Variants in OR9Q1 observed in about 807,000 individuals in gnomAD.
OR9Q1 encodes olfactory receptor family 9 subfamily Q member 1, also known as olfactory receptor 9Q1.
For synonymous variants in OR9Q1, 153 were observed against 148.6 expected (o/e 1.03, Z -0.22); for missense variants, 374 against 378.8 (o/e 0.99, Z 0.11).
chr11:58,156,120 C>G (rs1246151275), intron 2 of OR9Q1, among the ~76,000 whole-genome samples: 1 of 152,000 alleles, frequency 6.6e-6, no homozygotes, highest in Non-Finnish European at 1.5e-5. Flanking sequence ...GCCATGTTGG[C>G]CAGACCAGTT....
chr11:58,169,040 A>G (rs959858118), intron 2 of OR9Q1, among the ~76,000 whole-genome samples: 1 of 152,188 alleles, frequency 6.6e-6, no homozygotes, highest in African/African-American at 2.4e-5. Flanking sequence ...TGTGTCTTGT[A>G]TGATTAACAC....
chr11:58,114,986 C>T (rs1160527221), intron 2 of OR9Q1, among the ~76,000 whole-genome samples: 1 of 152,176 alleles, frequency 6.6e-6, no homozygotes, highest in Non-Finnish European at 1.5e-5. Context: ...TGCCTGTCCA[C>T]ATGGCTTACC....
At chr11:58,043,669 C>A (rs1224506351) in intron 1 of OR9Q1, among the ~76,000 whole-genome samples, 1 of 152,214 alleles carries the variant, frequency 6.6e-6, no homozygotes, top group African/African-American at 2.4e-5. Context: ...GCCTTTGAAA[C>A]CTTGCTTGTT....
intron 2 of OR9Q1, among the ~76,000 whole-genome samples, chr11:58,115,810 T>C (rs1853948702): frequency 6.6e-6 from 1 of 152,270 alleles, no homozygotes; most frequent in East Asian, 1.9e-4. Context: ...TAAAAATCTT[T>C]AAAAACAAAT....
In OR9Q1 at chr11:58,090,003, C is replaced by T. The variant is rs150336354; in HGVS notation, c.-15+34056C>T. Among the ~76,000 whole-genome samples the T allele has an allele frequency of 7.5e-3, 1,140 of 151,946 alleles. 10 individuals are homozygous for T. Among genetic ancestry groups the T allele is most frequent in the African/African-American group, 0.026 (1,060 of 41,428 alleles). On this transcript the variant is annotated intron_variant, in intron 2 of 2. Transcript: ENST00000335397. ...ATTTTTGCACATTGATTTTGTATCC[C>T]GAGACTTTGCTGAAGTTACTTATCA...
intron 2 of OR9Q1, among the ~76,000 whole-genome samples, chr11:58,147,576 C>A (rs1225640533): frequency 6.6e-6 from 1 of 152,104 alleles, no homozygotes; most frequent in African/African-American, 2.4e-5. Context: ...GAGTGGCAAC[C>A]AATTTTGCCT....
chr11:58,082,613 G>A (rs1485252456), intron 2 of OR9Q1, among the ~76,000 whole-genome samples: 1 of 70,660 alleles, frequency 1.4e-5, no homozygotes, highest in Admixed American at 1.7e-4. Flanking sequence ...GGGGGAGGGG[G>A]GAGGGATAGC....
At position 58,119,172 on chromosome 11, in the gene OR9Q1, G is replaced by A. The variant is rs372462144; in HGVS notation, c.-14-60259G>A. The A allele has an allele frequency of 2.5e-6, 4 of 1,613,896 alleles. No individual in the cohort carries two copies. In the African/African-American group the frequency reaches 4.0e-5, roughly 16 times the overall value. On this transcript the variant is annotated intron_variant, in intron 2 of 2. Transcript: ENST00000335397. ...GGGCAGCACAGTGGCCGTAGGAGAT[G>A]ACCGTTTTGCCTGTGGCCAATGTGG...
intron 2 of OR9Q1, among the ~76,000 whole-genome samples, chr11:58,098,764 T>G (rs886885593): frequency 3.3e-5 from 5 of 152,206 alleles, no homozygotes; most frequent in Non-Finnish European, 7.3e-5. Context: ...TCTTTGGATT[T>G]AATTCGATTT....
chr11:58,060,584 C>G (rs1424265156), intron 2 of OR9Q1, among the ~76,000 whole-genome samples: 2 of 152,090 alleles, frequency 1.3e-5, no homozygotes, highest in Non-Finnish European at 2.9e-5. Flanking sequence ...ATTAAGTTTT[C>G]TTTAACCTGT....
intron 2 of OR9Q1, among the ~76,000 whole-genome samples, chr11:58,083,685 A>T (rs1853610102): frequency 6.6e-6 from 1 of 151,414 alleles, no homozygotes; most frequent in South Asian, 2.1e-4. Context: ...GTGGCTAGCC[A>T]GTTATCCCAG....
chr11:58,179,189 A>AT lies in OR9Q1; in HGVS notation c.-14-234dup, dbSNP rs530587001. On this transcript the variant is annotated intron_variant, in intron 2 of 2. Coordinates refer to ENST00000335397, the MANE Select transcript of OR9Q1 (RefSeq NM_001005212.4). ...AGGTGCTCACCACCATGCATGGCTA[A>AT]TTTTTTTTGCATTTTTAGTAGAGAT... Among the ~76,000 whole-genome samples, 23 of 150,482 alleles carry AT rather than the reference A, an allele frequency of 1.5e-4. No homozygotes were observed. In the East Asian group the frequency reaches 2.8e-3, roughly 18 times the overall value.
intron 2 of OR9Q1, among the ~76,000 whole-genome samples, chr11:58,063,207 C>A (rs2120000601): frequency 6.6e-6 from 1 of 152,236 alleles, no homozygotes. Flanking sequence ...GGGTTTTAAT[C>A]TCAAAATACT....
chr11:58,025,862 C>G (rs1203308748), intron 1 of OR9Q1, among the ~76,000 whole-genome samples: 1 of 152,124 alleles, frequency 6.6e-6, no homozygotes, highest in Non-Finnish European at 1.5e-5. Context: ...TTACCTACTT[C>G]CACCTGTCTC....
intron 2 of OR9Q1, among the ~76,000 whole-genome samples, chr11:58,169,723 C>G (rs1854537413): frequency 2.6e-5 from 4 of 152,216 alleles, no homozygotes; most frequent in Middle Eastern, 3.4e-3. Flanking sequence ...TTTTGTTCCC[C>G]TCTTTTTCCA....
intron 2 of OR9Q1, among the ~76,000 whole-genome samples, chr11:58,179,116 C>A (rs1336040096): frequency 4.0e-5 from 6 of 150,802 alleles, no homozygotes; most frequent in Non-Finnish European, 8.8e-5. Flanking sequence ...CTTTGACCTC[C>A]CAGGCTCAAA....
intron 2 of OR9Q1, among the ~76,000 whole-genome samples, chr11:58,172,615 A>G (rs1854565639): frequency 1.3e-5 from 2 of 152,170 alleles, no homozygotes; most frequent in Non-Finnish European, 2.9e-5. Flanking sequence ...CCAGAAAGTG[A>G]TGGAGCCAGG....
At chr11:58,127,239 C>T (rs544519795) in intron 2 of OR9Q1, among the ~76,000 whole-genome samples, 4 of 152,236 alleles carry the variant, frequency 2.6e-5, no homozygotes, top group Non-Finnish European at 5.9e-5. Flanking sequence ...CATGAGCCAC[C>T]GTGCCCGGCC....
At chr11:58,037,688 T>G (rs1437854080) in intron 1 of OR9Q1, among the ~76,000 whole-genome samples, 33 of 6,564 alleles carry the variant, frequency 5.0e-3, no homozygotes, top group Non-Finnish European at 9.7e-3. Context: ...TATATATATA[T>G]ATTTTTTTTT....
Sources: allele counts gnomAD v4.1 joint callset (sites outside exome capture counted in the v4.1 genomes callset), GRCh38; gene constraint gnomAD v4.1.1; transcripts MANE v1.5; gene names NCBI Gene and HGNC (gene_info 2026-07-23, HGNC 2026-07-21).